The following USP50 variants were observed in gnomAD, a reference collection of about 807,000 sequenced individuals.
The protein encoded by USP50 is ubiquitin carboxyl-terminal hydrolase 50.
Under a neutral mutation model 39.2 loss-of-function variants are expected in USP50, and 37 were observed. The observed-to-expected ratio is 0.94, with a 90% CI of 0.73 to 1.24. The LOEUF (loss-of-function observed/expected upper bound fraction) is 1.24. USP50 is among the 50% of genes most tolerant of loss of function. USP50 has a pLI of 0.00. For synonymous variants in USP50, 139 were observed against 144.5 expected (o/e 0.96, Z 0.27); for missense variants, 374 against 398.2 (o/e 0.94, Z 0.52).
At chr15:50,497,279 A>G, downstream of USP50, 1 of 1,553,844 alleles carries the variant, frequency 6.4e-7, no homozygotes, top group Non-Finnish European at 8.7e-7. Flanking sequence ...AAATGAGGGA[A>G]TTTTAAGTTC....
downstream of USP50, chr15:50,493,818 T>G: frequency 1.6e-6 from 1 of 627,208 alleles, no homozygotes; most frequent in Non-Finnish European, 2.9e-6. Flanking sequence ...AGGCAGAACC[T>G]CGCTGTCATG....
intron 4 of USP50, among the ~76,000 whole-genome samples, chr15:50,539,842 G>T (rs994531079): frequency 4.6e-5 from 7 of 152,172 alleles, no homozygotes; most frequent in African/African-American, 1.4e-4. Context: ...GCAGAACAGG[G>T]ATAAATTAGA....
chr15:50,542,167 C>T (rs1320266273), intron 3 of USP50, among the ~76,000 whole-genome samples: 2 of 152,118 alleles, frequency 1.3e-5, no homozygotes, highest in African/African-American at 4.8e-5. Flanking sequence ...GGGGCACACC[C>T]TGAATTTTCA....
Position 50,541,139 on chromosome 15 carries a change from TAC to T in USP50, c.568_569del (p.Val190MetfsTer5). On this transcript the variant is annotated frameshift_variant, in exon 4 of 7. Coordinates refer to ENST00000532404, the MANE Select transcript of USP50 (RefSeq NM_203494.5). LOFTEE classifies it high-confidence loss of function. ...AGGTGCATTTCTCACACTTTAAACA[TAC>T]GATGCTATAATTGAGCTGCTCTTCA... ...LFEEQLNYSI[V>X]CLKCEKCTYK... 6.2e-7 allele frequency: 1 copy of T among 1,613,900 alleles called. No homozygotes were observed. Among genetic ancestry groups the T allele is most frequent in the Non-Finnish European group, 8.5e-7 (1 of 1,179,846 alleles).
At chr15:50,503,752 A>G (rs904974130) in intron 6 of USP50, 6 of 152,212 alleles carry the variant, frequency 3.9e-5, no homozygotes, top group Non-Finnish European at 8.8e-5. Flanking sequence ...AAGGAAACAG[A>G]ATTTCTAGAT....
At chr15:50,505,131 G>C (rs1040968380) in intron 6 of USP50, 4 of 152,162 alleles carry the variant, frequency 2.6e-5, no homozygotes, top group African/African-American at 9.7e-5. Flanking sequence ...GGAGAGAATC[G>C]AGTAGGGGAG....
chr15:50,532,052 G>A (rs1411811551), intron 5 of USP50: 1 of 453,876 alleles, frequency 2.2e-6, no homozygotes, highest in Non-Finnish European at 4.4e-6. Flanking sequence ...GAGGGAACAG[G>A]TCTGCGTAGG....
chr15:50,530,002 G>A (rs751539487), intron 5 of USP50, 73 bp from the exon 6 acceptor site: 73 of 1,577,594 alleles, frequency 4.6e-5, no homozygotes, highest in Non-Finnish European at 6.0e-5. Flanking sequence ...GACAAATTCC[G>A]AGTATTTTAA....
intron 6 of USP50, among the ~76,000 whole-genome samples, chr15:50,514,671 G>A (rs907986349): frequency 1.3e-5 from 2 of 152,078 alleles, no homozygotes; most frequent in Admixed American, 1.3e-4. Context: ...TGGGATTACA[G>A]GCGCATGCCA....
intron 6 of USP50, chr15:50,508,106 T>C (rs2052688906): frequency 1.3e-5 from 2 of 148,774 alleles, no homozygotes; most frequent in Admixed American, 1.3e-4. Context: ...ATTAGTTTAA[T>C]TTAGACCCTA....
intron 6 of USP50, chr15:50,505,299 GTT>G (rs1249251178): frequency 1.3e-5 from 2 of 151,970 alleles, no homozygotes; most frequent in Non-Finnish European, 2.9e-5. Flanking sequence ...GAAAAAGAGA[GTT>G]TACCCACAAG....
At chr15:50,508,730 G>C (rs532795997) in intron 6 of USP50, 17 of 152,230 alleles carry the variant, frequency 1.1e-4, no homozygotes, top group African/African-American at 3.9e-4. Flanking sequence ...TGCCACAGTG[G>C]TTCATGCCTA....
intron 5 of USP50, among the ~76,000 whole-genome samples, chr15:50,536,680 A>C (rs1357395967): frequency 1.3e-5 from 2 of 152,120 alleles, no homozygotes; most frequent in East Asian, 1.9e-4. Context: ...TTAAAAAAAA[A>C]CACAATACCA....
At position 50,500,597 on chromosome 15, in the gene USP50, A is replaced by G. The variant is rs188746203; in HGVS notation, c.*172T>C. 79 of 573,568 alleles carry G rather than the reference A, an allele frequency of 1.4e-4. No individual in the cohort carries two copies. In the East Asian group the frequency reaches 2.3e-3, roughly 16 times the overall value. The allele number at this position is 573,568 out of a possible 1,614,324, so 35.5% of individuals were successfully genotyped here. A position where few individuals can be genotyped will look rare whatever the true frequency, so the allele number is the denominator to read the frequency against. ...GAGTTTAATGACCAAGCAAAACTCT[A>G]CCACCAGATGCTGACTGCTTGTTTT... On this transcript the variant is annotated 3_prime_UTR_variant, in exon 7 of 7. Transcript: ENST00000532404.
chr15:50,515,535 C>A (rs895114197), intron 6 of USP50, among the ~76,000 whole-genome samples: 4 of 151,918 alleles, frequency 2.6e-5, no homozygotes, highest in African/African-American at 9.7e-5. Context: ...AGCCACCACA[C>A]CCAGACTATG....
chr15:50,542,929 T>C (rs2135452), intron 3 of USP50, among the ~76,000 whole-genome samples: 37,714 of 152,128 alleles, frequency 0.25, 4,874 homozygotes, highest in East Asian at 0.47. Flanking sequence ...AGCAGAAGGA[T>C]GTTGCATAAA....
At chr15:50,507,615 A>G (rs886552287) in intron 6 of USP50, 4 of 152,218 alleles carry the variant, frequency 2.6e-5, no homozygotes, top group African/African-American at 9.7e-5. Flanking sequence ...AAAACAAATG[A>G]CAGAACTATA....
intron 1 of USP50, among the ~76,000 whole-genome samples, chr15:50,495,287 CATATATACATATATACGTGTATAT>C (rs2052342365): frequency 4.7e-4 from 1 of 2,132 alleles, no homozygotes; most frequent in Non-Finnish European, 9.8e-4. Flanking sequence ...TATACACATA[CATATATACATATATACGTGTATAT>C]ATACATACAT....
chr15:50,521,159 A>C (rs2052847217), intron 6 of USP50, among the ~76,000 whole-genome samples: 1 of 152,112 alleles, frequency 6.6e-6, no homozygotes, highest in Non-Finnish European at 1.5e-5. Flanking sequence ...CTCGTGCCTC[A>C]GCCTCCCGAG....
Sources: gnomAD v4.1 joint callset for allele counts (sites outside exome capture counted in the v4.1 genomes callset) on GRCh38, gnomAD v4.1.1 for gene constraint, MANE v1.5 for transcripts, NCBI Gene and HGNC (gene_info 2026-07-23, HGNC 2026-07-21) for gene names.